MAF: variants seen among roughly 807,000 people sequenced by gnomAD.
MAF encodes MAF bZIP transcription factor, also known as transcription factor Maf.
MAF carries 10 observed loss-of-function variants against 22.0 expected under a neutral mutation model. The ratio of observed to expected loss-of-function variants is 0.45; its 90% confidence interval spans 0.28 to 0.77. MAF has a LOEUF of 0.77. MAF is among the 30% of genes least tolerant of loss of function. MAF has a pLI of 0.12. For missense variants in MAF, 544 were observed against 548.4 expected (o/e 0.99, Z 0.08); for synonymous variants, 337 against 255.8 (o/e 1.32, Z -3.03).
chr16:79,401,067 C>G, the MAF span, among the ~76,000 whole-genome samples: 1 of 152,168 alleles, frequency 6.6e-6, no homozygotes, highest in Non-Finnish European at 1.5e-5. Flanking sequence ...GTGGTGAGGT[C>G]GGCTCCCTTG....
At chr16:79,593,683 C>T (rs1913319360), downstream of MAF, among the ~76,000 whole-genome samples, 2 of 151,782 alleles carry the variant, frequency 1.3e-5, no homozygotes, top group Non-Finnish European at 2.9e-5. Flanking sequence ...TATTTGATGT[C>T]AATATATTAA....
At chr16:79,209,435 C>T in the MAF span, among the ~76,000 whole-genome samples, 3 of 152,306 alleles carry the variant, frequency 2.0e-5, no homozygotes, top group East Asian at 5.8e-4. Flanking sequence ...TTTGGTCTTT[C>T]CTCACGCTTG....
intron 1 of MAF, chr16:79,598,090 T>G (rs1913669939): frequency 9.6e-7 from 1 of 1,041,204 alleles, no homozygotes; most frequent in African/African-American, 1.7e-5. Context: ...TGCAAGTCTA[T>G]AACATTTCAC....
the MAF span, among the ~76,000 whole-genome samples, chr16:79,389,941 A>C: frequency 1.6e-5 from 2 of 125,460 alleles, no homozygotes; most frequent in Non-Finnish European, 1.6e-5. Context: ...GTACCACTGC[A>C]CCTCCAGCAC....
chr16:79,566,261 A>G, the MAF span, among the ~76,000 whole-genome samples: 12 of 152,192 alleles, frequency 7.9e-5, no homozygotes, highest in African/African-American at 2.7e-4. Context: ...AATATAGGAC[A>G]CAGTTTCATC....
the MAF span, among the ~76,000 whole-genome samples, chr16:79,517,139 T>C: frequency 1.3e-5 from 2 of 152,214 alleles, no homozygotes; most frequent in East Asian, 3.9e-4. Context: ...GTTTATACTG[T>C]AGATTCTATC....
chr16:79,208,863 T>C, the MAF span, among the ~76,000 whole-genome samples: 2 of 152,066 alleles, frequency 1.3e-5, no homozygotes, highest in Non-Finnish European at 2.9e-5. Context: ...AGACCAAAGG[T>C]GTGGTGTGTA....
the MAF span, among the ~76,000 whole-genome samples, chr16:79,577,733 C>A: frequency 6.6e-6 from 1 of 152,176 alleles, no homozygotes; most frequent in East Asian, 1.9e-4. Flanking sequence ...TCATAATAGT[C>A]TCCACTGTTG....
chr16:79,319,071 C>G, the MAF span, among the ~76,000 whole-genome samples: 1 of 151,202 alleles, frequency 6.6e-6, no homozygotes, highest in Non-Finnish European at 1.5e-5. Flanking sequence ...TTTTTTTTCT[C>G]CAGCAGATTT....
chr16:79,501,719 C>T, the MAF span, among the ~76,000 whole-genome samples: 3 of 152,176 alleles, frequency 2.0e-5, no homozygotes, highest in Non-Finnish European at 2.9e-5. Context: ...TTGATTTACA[C>T]GGCATTCTTC....
chr16:79,454,233 A>C, the MAF span, among the ~76,000 whole-genome samples: 9 of 152,210 alleles, frequency 5.9e-5, no homozygotes, highest in African/African-American at 9.6e-5. Flanking sequence ...GTGTGGACCC[A>C]GAGCCCAAGC....
chr16:79,535,629 G>C, the MAF span, among the ~76,000 whole-genome samples: 9 of 117,776 alleles, frequency 7.6e-5, no homozygotes, highest in African/African-American at 2.6e-4. Flanking sequence ...TGCTCTTGTC[G>C]CCCAGGCTGG....
chr16:79,478,108 T>A, the MAF span, among the ~76,000 whole-genome samples: 1 of 152,208 alleles, frequency 6.6e-6, no homozygotes, highest in East Asian at 1.9e-4. Flanking sequence ...GAGAGCACCT[T>A]GCCCACAGCC....
At chr16:79,482,605 T>G in the MAF span, among the ~76,000 whole-genome samples, 1 of 152,068 alleles carries the variant, frequency 6.6e-6, no homozygotes, top group African/African-American at 2.4e-5. Context: ...TTCCCACACA[T>G]CATCAAACTT....
chr16:79,265,856 T>C, the MAF span, among the ~76,000 whole-genome samples: 80 of 152,320 alleles, frequency 5.3e-4, 1 homozygote, highest in East Asian at 3.9e-4. Context: ...TAAGGGTTAC[T>C]TGAACATGAG....
At chr16:79,369,510 G>C in the MAF span, among the ~76,000 whole-genome samples, 1 of 152,206 alleles carries the variant, frequency 6.6e-6, no homozygotes, top group African/African-American at 2.4e-5. Context: ...TAAGAGAAAG[G>C]AGGTAGATTT....
At chr16:79,375,410 A>G in the MAF span, among the ~76,000 whole-genome samples, 3 of 152,150 alleles carry the variant, frequency 2.0e-5, no homozygotes, top group African/African-American at 7.2e-5. Flanking sequence ...CACTTCCCAT[A>G]AGAGAGAGCA....
At chr16:79,490,498 A>G in the MAF span, among the ~76,000 whole-genome samples, 3 of 152,344 alleles carry the variant, frequency 2.0e-5, no homozygotes, top group East Asian at 1.9e-4. Context: ...CACTCATACA[A>G]TGCAACTCAC....
At chr16:79,595,801 C>T in intron 1 of MAF, 1 of 1,057,366 alleles carries the variant, frequency 9.5e-7, no homozygotes, top group Non-Finnish European at 1.1e-6. Context: ...AAGTTCTCCA[C>T]TGAATATTCA....
Sources: allele counts gnomAD v4.1 joint callset (sites outside exome capture counted in the v4.1 genomes callset), GRCh38; gene constraint gnomAD v4.1.1; transcripts MANE v1.5; gene names NCBI Gene and HGNC (gene_info 2026-07-23, HGNC 2026-07-21).